ZNF469: variants seen among roughly 807,000 people sequenced by gnomAD.
The protein encoded by ZNF469 is zinc finger protein 469.
Under a neutral mutation model 1.0 loss-of-function variants are expected in ZNF469, and 1 was observed. The ratio of observed to expected loss-of-function variants is 1.00; its 90% CI spans 0.35 to 4.73. The LOEUF (loss-of-function observed/expected upper bound fraction) is 4.73. Ranked by LOEUF, ZNF469 falls within the 30% of genes most tolerant of loss-of-function variation. The pLI, the probability that ZNF469 is intolerant of heterozygous loss-of-function variation, is 0.16. For synonymous variants in ZNF469, 2,703 were observed against 2,363.4 expected, an observed-to-expected ratio of 1.14 and a Z score of -4.17; for missense variants, 6,100 against 5,356.3, an observed-to-expected ratio of 1.14 and a Z score of -4.33.
the ZNF469 span, among the ~76,000 whole-genome samples, chr16:88,368,725 G>A: frequency 6.6e-6 from 1 of 151,742 alleles, no homozygotes; most frequent in African/African-American, 2.4e-5. Context: ...GGGAGACTGT[G>A]GCCTGGGAAA....
chr16:88,323,129 C>A, the ZNF469 span, among the ~76,000 whole-genome samples: 2 of 152,208 alleles, frequency 1.3e-5, no homozygotes, highest in Non-Finnish European at 2.9e-5. Flanking sequence ...ATTAGAGCTG[C>A]CGTTCCCTGG....
the ZNF469 span, among the ~76,000 whole-genome samples, chr16:88,189,424 G>A: frequency 1.6e-4 from 25 of 152,318 alleles, no homozygotes; most frequent in East Asian, 4.2e-3. This position sits in a 1 kb window ranked among gnomAD's most constrained non-coding sequence, Gnocchi z 4.3. Flanking sequence ...TCTCTGACTG[G>A]AGTTGGGGAA....
At chr16:88,224,910 C>T in the ZNF469 span, among the ~76,000 whole-genome samples, 2 of 152,188 alleles carry the variant, frequency 1.3e-5, no homozygotes, top group East Asian at 1.9e-4. Context: ...CTCTGGGGAG[C>T]GGAGGTGCCC....
At chr16:88,349,752 C>CACACCAGGCACAATACACACCACTCACAA in the ZNF469 span, among the ~76,000 whole-genome samples, 1 of 124,494 alleles carries the variant, frequency 8.0e-6, no homozygotes, top group African/African-American at 3.0e-5. Flanking sequence ...CAAGTGCACA[C>CACACCAGGCACAATACACACCACTCACAA]ATGCCCAGCA....
the ZNF469 span, among the ~76,000 whole-genome samples, chr16:88,274,428 A>G: frequency 6.6e-6 from 1 of 152,266 alleles, no homozygotes; most frequent in Non-Finnish European, 1.5e-5. Context: ...TTTTACCACA[A>G]TAAAAGATAG....
the ZNF469 span, among the ~76,000 whole-genome samples, chr16:88,374,370 A>T: frequency 6.6e-6 from 1 of 152,234 alleles, no homozygotes; most frequent in African/African-American, 2.4e-5. Context: ...GAGAAACATC[A>T]CATACAGAAT....
the ZNF469 span, among the ~76,000 whole-genome samples, chr16:88,283,184 C>A: frequency 2.0e-5 from 3 of 151,722 alleles, no homozygotes; most frequent in Non-Finnish European, 1.5e-5. Context: ...TGGGAAGGAA[C>A]GTTTCTGGGG....
At chr16:88,112,772 C>CTTTTTTTTTTTTTTTTTTTTTTTTTT in the ZNF469 span, among the ~76,000 whole-genome samples, 3 of 73,468 alleles carry the variant, frequency 4.1e-5, no homozygotes, top group Admixed American at 2.2e-4. Context: ...TGTGCAGAAG[C>CTTTTTTTTTTTTTTTTTTTTTTTTTT]TTTTTTTTTT....
At chr16:88,343,292 G>C in the ZNF469 span, among the ~76,000 whole-genome samples, 1 of 152,168 alleles carries the variant, frequency 6.6e-6, no homozygotes, top group Non-Finnish European at 1.5e-5. Flanking sequence ...AAAATCCCAA[G>C]GATAGAATAA....
rs560580131 is a variant in ZNF469, at chr16:88,419,379, G to A, written c.-191-5428G>A. Among the ~76,000 whole-genome samples the A allele has an allele frequency of 4.6e-5, 7 of 152,218 alleles. No individual in the cohort carries two copies. The South Asian group carries it at 1.5e-3, about 32-fold the overall frequency. On this transcript the variant is annotated intron_variant, in intron 1 of 2. Coordinates refer to ENST00000565624, the MANE Select transcript of ZNF469 (RefSeq NM_001367624.2). The stretch of plus-strand genomic sequence containing the variant: ...CTCCCAAACAGACCGGGAGAGCTCA[G>A]CACGGGAGGCCAACATCCTGACCCC...
the ZNF469 span, among the ~76,000 whole-genome samples, chr16:88,296,735 CCACA>C: frequency 4.7e-3 from 704 of 150,932 alleles, 3 homozygotes; most frequent in African/African-American, 0.016. Context: ...CATGCTCCAC[CCACA>C]CACACATACA....
intron 1 of ZNF469, among the ~76,000 whole-genome samples, chr16:88,421,575 CA>C (rs1905459452): frequency 1.3e-5 from 2 of 152,158 alleles, no homozygotes; most frequent in African/African-American, 4.8e-5. Flanking sequence ...TGGGGTGCTG[CA>C]GGCAAATGTC....
the ZNF469 span, among the ~76,000 whole-genome samples, chr16:88,225,068 C>T: frequency 6.6e-6 from 1 of 152,338 alleles, no homozygotes; most frequent in South Asian, 2.1e-4. Context: ...CTCACTGGCC[C>T]CCCTGCCCCT....
the ZNF469 span, among the ~76,000 whole-genome samples, chr16:88,157,024 C>G: frequency 2.0e-5 from 3 of 152,242 alleles, no homozygotes; most frequent in Non-Finnish European, 2.9e-5. Flanking sequence ...CTAGATGGGC[C>G]TCGGTGCCGG....
chr16:88,352,794 C>T, the ZNF469 span, among the ~76,000 whole-genome samples: 1 of 152,222 alleles, frequency 6.6e-6, no homozygotes, highest in Non-Finnish European at 1.5e-5. Flanking sequence ...GAGATGTGGG[C>T]ATATGGCTGC....
chr16:88,259,685 C>T, the ZNF469 span, among the ~76,000 whole-genome samples: 1 of 152,122 alleles, frequency 6.6e-6, no homozygotes, highest in Non-Finnish European at 1.5e-5. This position sits in a 1 kb window ranked among gnomAD's most constrained non-coding sequence, Gnocchi z 4.1. Context: ...CTCTCCTCTG[C>T]GTCTCACCCC....
rs892429681 is a variant in ZNF469, at chr16:88,431,622, C to T, written c.4152C>T (p.Phe1384=). The change falls in exon 3 of 3, where the codon TTC becomes TTT. Residue 1384 remains phenylalanine (F), a synonymous_variant. Coordinates refer to ENST00000565624, the MANE Select transcript of ZNF469 (RefSeq NM_001367624.2). The part of the protein sequence containing the change: ...QPYSSPHSEL[F]LGPKDLAGCF... The stretch of plus-strand genomic sequence containing the variant: ...ACAGCAGCCCCCACAGTGAGTTGTT[C>T]CTCGGACCCAAAGACCTGGCTGGCT... 1.9e-6 allele frequency: 3 copies of T among 1,550,478 alleles called. No individual in the cohort carries two copies. Among genetic ancestry groups the T allele is most frequent in the Admixed American group, 3.9e-5 (2 of 51,012 alleles).
the ZNF469 span, among the ~76,000 whole-genome samples, chr16:88,133,969 C>T: frequency 8.5e-5 from 13 of 152,162 alleles, no homozygotes; most frequent in East Asian, 2.5e-3. Context: ...GTGGTGGGCG[C>T]CTGTCATCCC....
Position 88,429,609 on chromosome 16 carries a change from C to A in ZNF469, c.2139C>A (p.Pro713=). The stretch of plus-strand genomic sequence containing the variant: ...TCCCCCGTGCGCCGCCTCCGTACCC[C>A]ACACACCACTTCTCCCTCAGCAGCG... ...QGFPRAPPPY[P]THHFSLSSAS... Residue 713 remains proline (P), a synonymous_variant, in exon 3 of 3, where the codon CCC becomes CCA. Transcript: ENST00000565624. 1 of 1,548,228 alleles carries A rather than the reference C, an allele frequency of 6.5e-7. No homozygotes were observed.
Sources: allele counts gnomAD v4.1 joint callset (sites outside exome capture counted in the v4.1 genomes callset), GRCh38; gene constraint gnomAD v4.1.1; non-coding constraint Gnocchi (gnomAD v3.1); transcripts MANE v1.5; gene names NCBI Gene and HGNC (gene_info 2026-07-23, HGNC 2026-07-21).